Variants in PKD1L1 observed in about 807,000 individuals in gnomAD.
PKD1L1 encodes polycystin-1-like protein 1.
PKD1L1 carries 236 observed loss-of-function variants against 323.4 expected under a neutral mutation model. The observed-to-expected ratio is 0.73, with a 90% CI of 0.66 to 0.81. PKD1L1 has a LOEUF of 0.81. PKD1L1 is among the 40% of genes least tolerant of loss of function. The probability of loss-of-function intolerance (pLI) is 0.00; values close to 1 mark genes in which losing one functional copy is unlikely to be tolerated. For synonymous variants in PKD1L1, 1,344 were observed against 1,335.0 expected (o/e 1.01, Z -0.15); for missense variants, 3,320 against 3,508.0 (o/e 0.95, Z 1.35).
intron 56 of PKD1L1, among the ~76,000 whole-genome samples, chr7:47,791,672 A>T (rs6463447): frequency 0.7 from 106,542 of 152,016 alleles, 37,578 homozygotes; most frequent in Non-Finnish European, 0.73. Flanking sequence ...TGGAAGTTCA[A>T]CTTTTCATAA....
chr7:47,852,948 C>G (rs372810604), intron 31 of PKD1L1, among the ~76,000 whole-genome samples, 179 bp downstream of exon 31: 8 of 152,070 alleles, frequency 5.3e-5, no homozygotes, highest in Admixed American at 1.3e-4. Context: ...TGGCGCTCAT[C>G]ATGGGGCAGT....
intron 56 of PKD1L1, among the ~76,000 whole-genome samples, chr7:47,775,934 T>A (rs574150547): frequency 5.2e-4 from 79 of 152,186 alleles, no homozygotes; most frequent in African/African-American, 1.8e-3. Flanking sequence ...ACAAATATGT[T>A]GTCTTTGAAT....
chr7:47,894,568 C>T (rs1038361262), intron 14 of PKD1L1, among the ~76,000 whole-genome samples: 6 of 152,240 alleles, frequency 3.9e-5, no homozygotes, highest in South Asian at 4.2e-4. Context: ...AAGTTTGATG[C>T]GGCCAGGCGC....
upstream of PKD1L1, among the ~76,000 whole-genome samples, chr7:47,953,293 CG>C (rs1788230495): frequency 6.6e-6 from 1 of 152,150 alleles, no homozygotes; most frequent in Non-Finnish European, 1.5e-5. Flanking sequence ...TACAATTATC[CG>C]TATCATCTCA....
At chr7:47,937,886 G>A (rs1787902316) in intron 3 of PKD1L1, among the ~76,000 whole-genome samples, 1 of 152,078 alleles carries the variant, frequency 6.6e-6, no homozygotes, top group Non-Finnish European at 1.5e-5. Context: ...GCATTGACCT[G>A]TGCAGCTCTC....
At position 47,813,118 on chromosome 7, in the gene PKD1L1, G is replaced by C; in HGVS notation, c.7346+3C>G. 1 of 1,612,182 alleles carries C rather than the reference G, an allele frequency of 6.2e-7. No individual in the cohort carries two copies. Among genetic ancestry groups the C allele is most frequent in the Non-Finnish European group, 8.5e-7 (1 of 1,179,552 alleles). On this transcript the variant is annotated splice_donor_region_variant and intron_variant, in intron 49 of 56. Transcript: ENST00000289672. ...GAGCCCCGGCCCTTCGAATCTCACT[G>C]ACCTTGTTCTGCCCAGGCTGAGCAC...
At position 47,839,387 on chromosome 7, in the gene PKD1L1, G is replaced by C; in HGVS notation, c.5769+59C>G. The C allele has an allele frequency of 1.4e-6, 2 of 1,408,282 alleles. No individual in the cohort carries two copies. Among genetic ancestry groups the C allele is most frequent in the South Asian group, 1.3e-5 (1 of 78,170 alleles). The allele number at this position is 1,408,282 out of a possible 1,614,324, so 87.2% of individuals were successfully genotyped here. ...ACTGTGGCAAGCGAAGCAGAGACAG[G>C]TGCCATGCTCTGCCGGTCAGCCAGG... On this transcript the variant is annotated intron_variant, in intron 36 of 56. Coordinates refer to ENST00000289672, the MANE Select transcript of PKD1L1 (RefSeq NM_138295.5). The surrounding 1 kb of genome is among the most constrained non-coding windows in gnomAD (Gnocchi z 4.3).
intron 13 of PKD1L1, among the ~76,000 whole-genome samples, chr7:47,899,103 G>C (rs903653507): frequency 1.3e-5 from 2 of 152,178 alleles, no homozygotes; most frequent in African/African-American, 4.8e-5. Flanking sequence ...GGTGGGAACA[G>C]CAGAAGCTTC....
At chr7:47,844,464 G>T (rs1474381154) in intron 33 of PKD1L1, among the ~76,000 whole-genome samples, 1 of 152,150 alleles carries the variant, frequency 6.6e-6, no homozygotes, top group Non-Finnish European at 1.5e-5. Context: ...GACAGGGAAG[G>T]TTCCTGTCCA....
At chr7:47,914,490 T>C (rs1048666683) in intron 8 of PKD1L1, among the ~76,000 whole-genome samples, 12 of 152,112 alleles carry the variant, frequency 7.9e-5, no homozygotes, top group African/African-American at 2.9e-4. Context: ...GCAGGGGTCT[T>C]CATAGGCAAG....
chr7:47,929,396 T>A lies in PKD1L1; in HGVS notation c.868A>T (p.Met290Leu), dbSNP rs746968551. Residue 290 changes from methionine (M) to leucine (L), a missense_variant, in exon 7 of 57, where the codon ATG (methionine) becomes TTG (leucine). Transcript: ENST00000289672. ...AGGGAGCAATTAAGAACAGGGTTCA[T>A]GAAGTTATCAGAATTTCGAGCTAGG... The part of the protein sequence containing the change: ...AILARNSDNF[M>L]NPVLNCSLEV... 2 of 1,614,188 alleles carry A rather than the reference T, an allele frequency of 1.2e-6. No homozygotes were observed. Among genetic ancestry groups the A allele is most frequent in the East Asian group, 4.5e-5 (2 of 44,880 alleles).
chr7:47,897,078 C>T (rs80220321), intron 14 of PKD1L1, among the ~76,000 whole-genome samples: 2 of 152,316 alleles, frequency 1.3e-5, no homozygotes, highest in East Asian at 3.9e-4. Context: ...GCCTATTTCG[C>T]GATGAGATAA....
At chr7:47,939,928 GA>G (rs933070763) in intron 3 of PKD1L1, among the ~76,000 whole-genome samples, 1 of 151,994 alleles carries the variant, frequency 6.6e-6, no homozygotes, top group African/African-American at 2.4e-5. Context: ...CTCCCCACCT[GA>G]GGGCTACCCC....
chr7:47,853,766 CAAAA>C, intron 30 of PKD1L1, among the ~76,000 whole-genome samples: 1 of 108,186 alleles, frequency 9.2e-6, no homozygotes, highest in African/African-American at 3.7e-5. Context: ...ACAAACAAAC[CAAAA>C]AAAAAAAAAA....
the PKD1L1 span, among the ~76,000 whole-genome samples, chr7:47,960,737 AAAG>A: frequency 7.9e-5 from 12 of 152,142 alleles, no homozygotes; most frequent in Non-Finnish European, 1.0e-4. Flanking sequence ...AGACTTCTCA[AAAG>A]AAGACAAGCA....
rs535540862 is a variant in PKD1L1, at chr7:47,793,425, A to T, written c.8356-628T>A. ...TGCTATTCTTGTGATAGTGAATAAG[A>T]TCTCATGAGATCTGATGGCTTATCA... On this transcript the variant is annotated intron_variant, in intron 55 of 56. Transcript: ENST00000289672. 5.3e-5 allele frequency among the ~76,000 whole-genome samples: 8 copies of T among 152,168 alleles called. No individual in the cohort carries two copies. The South Asian group carries it at 1.7e-3, about 32-fold the overall frequency.
chr7:47,902,326 C>G, intron 13 of PKD1L1, 53 bp downstream of exon 13: 2 of 1,599,962 alleles, frequency 1.3e-6, no homozygotes, highest in South Asian at 2.3e-5. Context: ...GGTCCCAACT[C>G]AGAGGGAGGC....
chr7:47,930,660 C>A (rs1333793945), intron 6 of PKD1L1, among the ~76,000 whole-genome samples: 1 of 151,870 alleles, frequency 6.6e-6, no homozygotes, highest in Non-Finnish European at 1.5e-5. Context: ...ACTAAAAATA[C>A]AAAAATTATC....
In PKD1L1 at chr7:47,840,277, C is replaced by A. The variant is rs1057130437; in HGVS notation, c.5552+184G>T. ...TCCTTCCTTCCTTGCCTCGCATAAA[C>A]CTATTGTTTAATCTACTCAGAATAA... On this transcript the variant is annotated intron_variant, in intron 35 of 56. Coordinates refer to ENST00000289672, the MANE Select transcript of PKD1L1 (RefSeq NM_138295.5). This position sits in a 1 kb window ranked among gnomAD's most constrained non-coding sequence, Gnocchi z 4.1. Among the ~76,000 whole-genome samples the A allele has an allele frequency of 1.3e-5, 2 of 152,268 alleles. No individual in the cohort carries two copies. Among genetic ancestry groups the A allele is most frequent in the South Asian group, 2.1e-4 (1 of 4,826 alleles).
Sources: allele counts gnomAD v4.1 joint callset (sites outside exome capture counted in the v4.1 genomes callset), GRCh38; gene constraint gnomAD v4.1.1; non-coding constraint Gnocchi (gnomAD v3.1); transcripts MANE v1.5; gene names NCBI Gene and HGNC (gene_info 2026-07-23, HGNC 2026-07-21).